GALNT17: variants seen among roughly 807,000 people sequenced by gnomAD.
GALNT17 encodes polypeptide N-acetylgalactosaminyltransferase 17.
Under a neutral mutation model 63.7 loss-of-function variants are expected in GALNT17, and 29 were observed. The ratio of observed to expected loss-of-function variants is 0.46; its 90% CI spans 0.34 to 0.62. The LOEUF is 0.62. Ranked by LOEUF, GALNT17 falls within the 20% of genes least tolerant of loss-of-function variation. The pLI is 0.01. For synonymous variants in GALNT17, 305 were observed against 318.3 expected (o/e 0.96, Z 0.45); for missense variants, 603 against 799.6 (o/e 0.75, Z 2.97).
At position 71,399,390 on chromosome 7, in the gene GALNT17, C is replaced by T. The variant is rs563282725; in HGVS notation, c.589+10989C>T. On this transcript the variant is annotated intron_variant, in intron 3 of 10. Transcript: ENST00000333538. Reference sequence around the variant, plus strand: ...CCGGTTCCATTGCCTCTTGAGTGTCCTCTGGTATATATCGAGTTGATTTCT... The same window carrying T: ...CCGGTTCCATTGCCTCTTGAGTGTCTTCTGGTATATATCGAGTTGATTTCT... Among the ~76,000 whole-genome samples, 10 of 152,284 alleles carry T rather than the reference C, an allele frequency of 6.6e-5. No homozygotes were observed. The South Asian group carries it at 1.9e-3, about 28-fold the overall frequency.
chr7:71,441,894 T>A (rs1787073921), intron 5 of GALNT17, among the ~76,000 whole-genome samples: 1 of 152,202 alleles, frequency 6.6e-6, no homozygotes, highest in South Asian at 2.1e-4. Context: ...GATGGGCATT[T>A]GGGTTGGTTC....
intron 2 of GALNT17, among the ~76,000 whole-genome samples, chr7:71,370,265 A>G (rs2707445): frequency 0.044 from 6,695 of 152,246 alleles, 514 homozygotes; most frequent in African/African-American, 0.15. Flanking sequence ...CCACCTGTTC[A>G]CCAACAGAGG....
chr7:71,594,867 A>C (rs937158545), intron 6 of GALNT17, among the ~76,000 whole-genome samples: 4 of 152,200 alleles, frequency 2.6e-5, no homozygotes, highest in African/African-American at 9.7e-5. Context: ...GTGTCCTGCA[A>C]AAGGCATGTT....
chr7:71,432,452 A>G (rs1391960880), intron 5 of GALNT17, among the ~76,000 whole-genome samples: 2 of 152,168 alleles, frequency 1.3e-5, no homozygotes, highest in Non-Finnish European at 2.9e-5. Flanking sequence ...AAACTGCAGT[A>G]GCATCGTCCA....
chr7:71,386,526 T>G (rs1377463514), intron 2 of GALNT17, among the ~76,000 whole-genome samples: 1 of 151,988 alleles, frequency 6.6e-6, no homozygotes, highest in African/African-American at 2.4e-5. Flanking sequence ...TCCTCAGTGC[T>G]CCCTGGACGG....
At chr7:71,152,470 G>A (rs1241634203) in intron 1 of GALNT17, among the ~76,000 whole-genome samples, 1 of 152,108 alleles carries the variant, frequency 6.6e-6, no homozygotes, top group Non-Finnish European at 1.5e-5. Context: ...TAGCAAAACT[G>A]CAGTTAGTCA....
chr7:71,468,353 A>T (rs1787571632), intron 5 of GALNT17, among the ~76,000 whole-genome samples: 1 of 151,290 alleles, frequency 6.6e-6, no homozygotes, highest in African/African-American at 2.4e-5. Flanking sequence ...TCTTCATATG[A>T]TAGATGAGAT....
chr7:71,574,092 G>A (rs1789496237), intron 6 of GALNT17, among the ~76,000 whole-genome samples: 1 of 152,176 alleles, frequency 6.6e-6, no homozygotes, highest in Admixed American at 6.5e-5. Flanking sequence ...CCATGTCTTT[G>A]CTATTGTGAA....
At chr7:71,626,297 CAA>C (rs1030504997) in intron 6 of GALNT17, among the ~76,000 whole-genome samples, 4 of 150,994 alleles carry the variant, frequency 2.6e-5, no homozygotes, top group African/African-American at 9.7e-5. Context: ...CATGTGAAGA[CAA>C]AGGGAAAAAT....
chr7:71,446,340 TTAGA>T (rs1212877510), intron 5 of GALNT17, among the ~76,000 whole-genome samples: 6 of 152,194 alleles, frequency 3.9e-5, no homozygotes, highest in African/African-American at 1.2e-4. Flanking sequence ...CAAAAGATCA[TTAGA>T]TAATCACTGA....
chr7:71,556,076 A>C (rs780494037), intron 5 of GALNT17, among the ~76,000 whole-genome samples: 1 of 152,246 alleles, frequency 6.6e-6, no homozygotes, highest in Non-Finnish European at 1.5e-5. Flanking sequence ...AAGCCCATTC[A>C]TAAGTTTCAA....
At chr7:71,297,680 A>G (rs1170474822) in intron 1 of GALNT17, among the ~76,000 whole-genome samples, 2 of 152,220 alleles carry the variant, frequency 1.3e-5, no homozygotes, top group Non-Finnish European at 2.9e-5. Context: ...AGTGGAAACA[A>G]CCCAGATTTC....
chr7:71,527,907 A>G (rs949222058), intron 5 of GALNT17, among the ~76,000 whole-genome samples: 3 of 152,114 alleles, frequency 2.0e-5, no homozygotes, highest in Non-Finnish European at 2.9e-5. Flanking sequence ...GTATTTATCT[A>G]TCTTTTCTCT....
chr7:71,642,407 G>A (rs1790617321), intron 6 of GALNT17, among the ~76,000 whole-genome samples: 1 of 152,210 alleles, frequency 6.6e-6, no homozygotes, highest in Non-Finnish European at 1.5e-5. Context: ...TTTTCTGAGA[G>A]GGGATTTTTA....
At chr7:71,532,103 A>G (rs1788730088) in intron 5 of GALNT17, among the ~76,000 whole-genome samples, 2 of 152,144 alleles carry the variant, frequency 1.3e-5, no homozygotes, top group African/African-American at 4.8e-5. Context: ...GAAGCTGGAG[A>G]TTAGAGTTCT....
At chr7:71,347,674 G>A (rs1003009057) in intron 2 of GALNT17, among the ~76,000 whole-genome samples, 12 of 152,110 alleles carry the variant, frequency 7.9e-5, no homozygotes, top group Non-Finnish European at 1.6e-4. Context: ...ACAGATGCCA[G>A]GGTGATGGTG....
At chr7:71,310,805 T>C (rs1408133717) in intron 1 of GALNT17, among the ~76,000 whole-genome samples, 1 of 152,194 alleles carries the variant, frequency 6.6e-6, no homozygotes, top group Middle Eastern at 3.2e-3. Context: ...GAGAAGTGGC[T>C]CTGTCCTTCA....
chr7:71,394,864 G>A (rs1199105119), intron 3 of GALNT17, among the ~76,000 whole-genome samples: 9 of 152,146 alleles, frequency 5.9e-5, no homozygotes, highest in Non-Finnish European at 1.3e-4. Flanking sequence ...CACTTTGAGA[G>A]GCCGAGGCGA....
intron 5 of GALNT17, among the ~76,000 whole-genome samples, chr7:71,425,954 C>T (rs551634580): frequency 4.6e-5 from 7 of 152,186 alleles, no homozygotes; most frequent in Non-Finnish European, 8.8e-5. Flanking sequence ...GAAGCAGGCA[C>T]GTATTACATG....
Sources: gnomAD v4.1 joint callset for allele counts (sites outside exome capture counted in the v4.1 genomes callset) on GRCh38, gnomAD v4.1.1 for gene constraint, MANE v1.5 for transcripts, NCBI Gene and HGNC (gene_info 2026-07-23, HGNC 2026-07-21) for gene names.